The following MAPK6 variants were observed in gnomAD, a reference collection of about 807,000 sequenced individuals.
MAPK6 encodes the protein mitogen-activated protein kinase 6.
MAPK6 carries 19 observed loss-of-function variants against 59.3 expected under a neutral mutation model. That is an observed-to-expected ratio of 0.32 (90% CI 0.22 to 0.47). The LOEUF is 0.47. Ranked by LOEUF, MAPK6 falls within the 20% of genes least tolerant of loss-of-function variation. The pLI is 1.00. For missense variants in MAPK6, 724 were observed against 847.9 expected (o/e 0.85, Z 1.81); for synonymous variants, 316 against 290.3 (o/e 1.09, Z -0.90).
upstream of MAPK6, among the ~76,000 whole-genome samples, chr15:52,015,918 C>T (rs1442674578): frequency 1.4e-3 from 6 of 4,418 alleles, no homozygotes; most frequent in African/African-American, 1.6e-3. Context: ...ATTAGTTGGG[C>T]GTGGTGGCGC....
At chr15:52,014,431 C>T (rs577252973), upstream of MAPK6, among the ~76,000 whole-genome samples, 1 of 152,006 alleles carries the variant, frequency 6.6e-6, no homozygotes, top group African/African-American at 2.4e-5. Flanking sequence ...AGGATTTAGC[C>T]CAGGTGCGGT....
rs753474808 is a variant in MAPK6 at position 52,064,219 on chromosome 15, G to T, written c.1385G>T (p.Ser462Ile). ...TTAGATAACTTAGTTTGGAGAGAGA[G>T]TGAAGTTAACCATTACTATGAACCC... The part of the protein sequence containing the change: ...SYLDNLVWRE[S>I]EVNHYYEPKL... Residue 462 changes from serine (S) to isoleucine (I), a missense_variant, in exon 6 of 6, where the codon AGT becomes ATT. By Grantham distance (142) the Ser-to-Ile change is moderately radical. Coordinates refer to ENST00000261845, the MANE Select transcript of MAPK6 (RefSeq NM_002748.4). The T allele has an allele frequency of 1.9e-6, 3 of 1,611,456 alleles. No homozygotes were observed. Among genetic ancestry groups the T allele is most frequent in the Admixed American group, 1.7e-5 (1 of 59,974 alleles).
intron 1 of MAPK6, among the ~76,000 whole-genome samples, chr15:52,022,082 G>T (rs1030138372): frequency 6.6e-6 from 1 of 152,130 alleles, no homozygotes; most frequent in Non-Finnish European, 1.5e-5. Flanking sequence ...CCGGCACTTT[G>T]GGAGCCTGAG....
intron 2 of MAPK6, among the ~76,000 whole-genome samples, chr15:52,047,406 C>T (rs547965041): frequency 3.3e-5 from 5 of 152,234 alleles, no homozygotes; most frequent in Middle Eastern, 3.4e-3. Flanking sequence ...AGTGCTGTGG[C>T]GCCATCTCGG....
Position 52,058,985 on chromosome 15 carries a change from G to GT in MAPK6, c.865+195dup, listed in dbSNP as rs1004416789. 2.6e-5 allele frequency among the ~76,000 whole-genome samples: 4 copies of GT among 152,082 alleles called. No homozygotes were observed. The South Asian group carries it at 6.2e-4, about 24-fold the overall frequency. ...TGTCCTGTTACTTGGGCTACGATCT[G>GT]TTTTTTTGGTTCCTCTGAATCACTT... On this transcript the variant is annotated intron_variant, in intron 4 of 5. Transcript: ENST00000261845.
intron 1 of MAPK6, among the ~76,000 whole-genome samples, chr15:51,978,171 C>T (rs773770494): frequency 4.7e-5 from 7 of 150,430 alleles, no homozygotes; most frequent in African/African-American, 9.8e-5. Flanking sequence ...CCTGCTCTGT[C>T]GCCCAAGCTG....
At chr15:52,052,333 GC>G (rs1298272606) in intron 3 of MAPK6, among the ~76,000 whole-genome samples, 1 of 152,162 alleles carries the variant, frequency 6.6e-6, no homozygotes, top group Non-Finnish European at 1.5e-5. Context: ...TAATATGGTG[GC>G]TGGCTTCCTC....
In MAPK6 at chr15:52,046,508, G is replaced by C; in HGVS notation, c.48G>C (p.Leu16=). 6.2e-7 allele frequency: 1 copy of C among 1,613,332 alleles called. No homozygotes were observed. The highest frequency in any genetic ancestry group is 8.5e-7 in the Non-Finnish European group (1 of 1,179,708). The part of the protein sequence containing the change: ...ESLMNIHGFD[L]GSRYMDLKPL... ...TCATGAACATTCATGGTTTTGATCT[G>C]GGTTCTAGGTATATGGACTTAAAAC... Residue 16 remains leucine (L), a synonymous_variant, in exon 2 of 6, where the codon CTG becomes CTC. Coordinates refer to ENST00000261845, the MANE Select transcript of MAPK6 (RefSeq NM_002748.4).
At chr15:52,051,861 C>T (rs2031794093) in intron 3 of MAPK6, among the ~76,000 whole-genome samples, 1 of 142,590 alleles carries the variant, frequency 7.0e-6, no homozygotes, top group Non-Finnish European at 1.5e-5. Context: ...GCGACAGAGA[C>T]TCTGTCTCAA....
intron 2 of MAPK6, among the ~76,000 whole-genome samples, chr15:51,985,346 T>TAAATA (rs919251306): frequency 2.0e-5 from 3 of 150,002 alleles, no homozygotes; most frequent in Non-Finnish European, 4.5e-5. Flanking sequence ...CCATCTTTAA[T>TAAATA]AAATAAAATA....
intron 2 of MAPK6, 151 bp downstream of exon 2, chr15:52,047,166 G>C: frequency 2.1e-6 from 1 of 472,548 alleles, no homozygotes; most frequent in Non-Finnish European, 3.6e-6. Flanking sequence ...CTCTCTGTTT[G>C]AAATGAAGGT....
chr15:51,974,381 G>C (rs559793909), intron 1 of MAPK6, among the ~76,000 whole-genome samples: 1 of 151,644 alleles, frequency 6.6e-6, no homozygotes, highest in East Asian at 1.9e-4. Context: ...GACAGGCCGG[G>C]CACGGTGGCT....
intron 1 of MAPK6, among the ~76,000 whole-genome samples, chr15:51,975,635 A>T (rs1021881842): frequency 4.6e-5 from 7 of 151,910 alleles, no homozygotes; most frequent in African/African-American, 1.7e-4. Context: ...TTAGAGGAAA[A>T]ATAACAGATT....
At chr15:52,003,432 A>G (rs1057129771) in intron 2 of MAPK6, among the ~76,000 whole-genome samples, 117 of 152,334 alleles carry the variant, frequency 7.7e-4, no homozygotes, top group African/African-American at 2.7e-3. Flanking sequence ...TGGGCAACCC[A>G]GAAAAGGCAC....
intron 1 of MAPK6, among the ~76,000 whole-genome samples, 179 bp downstream of exon 1, chr15:52,019,555 C>CA (rs1316483711): frequency 6.8e-6 from 1 of 146,288 alleles, no homozygotes; most frequent in Non-Finnish European, 1.5e-5. Flanking sequence ...CTGCCGCCCG[C>CA]CCCCTGCTCG....
chr15:51,983,932 A>G (rs1249783658), intron 2 of MAPK6, among the ~76,000 whole-genome samples: 1 of 152,114 alleles, frequency 6.6e-6, no homozygotes, highest in African/African-American at 2.4e-5. Flanking sequence ...GCTGCAGTGA[A>G]CTATGATTAT....
rs2032311844 is a variant in MAPK6 at position 52,064,043 on chromosome 15, T to G, written c.1209T>G (p.Asp403Glu). The part of the protein sequence containing the change: ...EVQVDPRKYL[D>E]GDREKYLEDP... The stretch of plus-strand genomic sequence containing the variant: ...AAGTTGATCCCCGAAAATATTTGGA[T>G]GGAGATCGGGAAAAGTATCTGGAGG... The change falls in exon 6 of 6, where the codon GAT becomes GAG. Residue 403 changes from aspartate to glutamate, a missense_variant. This residue lies in a region of MAPK6 where 502 missense variants were observed against 507.6 expected (regional missense o/e 0.99). Transcript: ENST00000261845. 6.2e-7 allele frequency: 1 copy of G among 1,613,794 alleles called. No homozygotes were observed. Among genetic ancestry groups the G allele is most frequent in the Non-Finnish European group, 8.5e-7 (1 of 1,179,788 alleles).
chr15:52,012,923 G>A (rs1039134056), intron 3 of MAPK6, among the ~76,000 whole-genome samples: 7 of 146,994 alleles, frequency 4.8e-5, no homozygotes, highest in African/African-American at 1.8e-4. Flanking sequence ...GGAGGCGGAG[G>A]TTGCAGTGAG....
chr15:51,988,852 C>CT (rs1298178918), intron 2 of MAPK6, among the ~76,000 whole-genome samples: 1 of 152,102 alleles, frequency 6.6e-6, no homozygotes, highest in Non-Finnish European at 1.5e-5. Context: ...GTCAGCAGGG[C>CT]TGTGATCCCT....
Sources: allele counts gnomAD v4.1 joint callset (sites outside exome capture counted in the v4.1 genomes callset), GRCh38; gene constraint gnomAD v4.1.1; regional missense constraint gnomAD v4.1.1; transcripts MANE v1.5; gene names NCBI Gene and HGNC (gene_info 2026-07-23, HGNC 2026-07-21).